ANK2: variants seen among roughly 807,000 people sequenced by gnomAD.
ANK2 encodes the protein ankyrin 2, also known as ankyrin-2.
Under a neutral mutation model 360.5 loss-of-function variants are expected in ANK2, and 83 were observed. The ratio of observed to expected loss-of-function variants is 0.23; its 90% CI spans 0.19 to 0.28. The LOEUF (loss-of-function observed/expected upper bound fraction) is 0.28, where lower values mean the gene tolerates loss of function less well. Ranked by LOEUF, ANK2 falls within the 10% of genes least tolerant of loss-of-function variation. The pLI, the probability that ANK2 is intolerant of heterozygous loss-of-function variation, is 1.00. For synonymous variants in ANK2, 1,740 were observed against 1,759.5 expected (o/e 0.99, Z 0.28); for missense variants, 4,201 against 4,795.7 (o/e 0.88, Z 3.66).
At chr4:112,935,662 C>T (rs2093662165) in intron 2 of ANK2, among the ~76,000 whole-genome samples, 1 of 151,902 alleles carries the variant, frequency 6.6e-6, no homozygotes, top group African/African-American at 2.4e-5. Flanking sequence ...GGCAACATGG[C>T]AAAACCCCGT....
chr4:113,054,476 A>G (rs2154328620), intron 1 of ANK2, among the ~76,000 whole-genome samples: 1 of 152,348 alleles, frequency 6.6e-6, no homozygotes, highest in Non-Finnish European at 1.5e-5. Context: ...TATAGCAGCC[A>G]AAGAAACTAT....
chr4:113,223,083 T>A (rs1447269296), intron 4 of ANK2, among the ~76,000 whole-genome samples: 1 of 152,200 alleles, frequency 6.6e-6, no homozygotes, highest in Non-Finnish European at 1.5e-5. Context: ...CTTCACAATA[T>A]ATTTAGGGAA....
At chr4:112,781,845 T>C in the ANK2 span, among the ~76,000 whole-genome samples, 1 of 150,312 alleles carries the variant, frequency 6.7e-6, no homozygotes, top group Non-Finnish European at 1.5e-5. Flanking sequence ...TTTTTTTTTT[T>C]TTGAGACAGA....
At chr4:113,278,182 C>A (rs1244759316) in intron 16 of ANK2, among the ~76,000 whole-genome samples, 3 of 152,170 alleles carry the variant, frequency 2.0e-5, no homozygotes, top group Non-Finnish European at 2.9e-5. Flanking sequence ...TAAGAAGAAT[C>A]CCTGCAATGT....
chr4:112,850,502 G>GT (rs1211226104), intron 1 of ANK2, among the ~76,000 whole-genome samples: 4 of 16,432 alleles, frequency 2.4e-4, no homozygotes, highest in South Asian at 1.9e-3. Context: ...TCCTGTGCTA[G>GT]TCTTTTTTTT....
At chr4:113,340,530 C>CA (rs34881939) in intron 32 of ANK2, among the ~76,000 whole-genome samples, 1 of 151,904 alleles carries the variant, frequency 6.6e-6, no homozygotes, top group Non-Finnish European at 1.5e-5. Flanking sequence ...CTGTCTCTCA[C>CA]AAAAAAGATA....
the ANK2 span, among the ~76,000 whole-genome samples, chr4:112,731,311 A>G: frequency 1.3e-5 from 2 of 151,840 alleles, no homozygotes; most frequent in African/African-American, 4.8e-5. Context: ...AAAAAAAAAA[A>G]AAGATAAATA....
At position 113,373,412 on chromosome 4, in the gene ANK2, A is replaced by T. The variant is rs2154075062; in HGVS notation, c.11822A>T (p.Lys3941Met). ...GGGGATGGCTATTCCAAAGTTATAA[A>T]GCGTGTTGTATTGAAGAGTGACACC... ...EEGDGYSKVIKRVVLKSDTEQ... is the reference protein window; with the variant it reads ...EEGDGYSKVIMRVVLKSDTEQ... Residue 3941 changes from lysine (K) to methionine (M), a missense_variant, in exon 45 of 46, where the codon AAG (lysine) becomes ATG (methionine). This residue lies in a region of ANK2 where 2,642 missense variants were observed against 2,714.5 expected (regional missense o/e 0.97). Coordinates refer to ENST00000357077, the MANE Select transcript of ANK2 (RefSeq NM_001148.6). 6.2e-7 allele frequency: 1 copy of T among 1,614,198 alleles called. No homozygotes were observed.
At chr4:112,780,513 G>C in the ANK2 span, among the ~76,000 whole-genome samples, 1 of 152,240 alleles carries the variant, frequency 6.6e-6, no homozygotes, top group Admixed American at 6.5e-5. Flanking sequence ...AGGTAACTCT[G>C]TATAGTATAA....
At chr4:113,254,622 TATGA>T (rs1244259920) in intron 10 of ANK2, among the ~76,000 whole-genome samples, 2 of 152,222 alleles carry the variant, frequency 1.3e-5, no homozygotes, top group Non-Finnish European at 2.9e-5. Context: ...AAGTAATAAT[TATGA>T]ATGAAGATTA....
intron 1 of ANK2, among the ~76,000 whole-genome samples, chr4:113,158,254 T>G (rs2097373879): frequency 6.6e-6 from 1 of 152,204 alleles, no homozygotes; most frequent in South Asian, 2.1e-4. Context: ...AAGAATTGCC[T>G]TGCTTGCTCA....
rs754680934 is a variant in ANK2 at position 112,890,556 on chromosome 4, G to GTTTTTTTTT, written c.-39-13879_-39-13871dup. Among the ~76,000 whole-genome samples the GTTTTTTTTT allele has an allele frequency of 9.9e-4, 67 of 67,468 alleles. 10 individuals are homozygous for GTTTTTTTTT. Among genetic ancestry groups the GTTTTTTTTT allele is most frequent in the African/African-American group, 1.5e-3 (21 of 13,950 alleles). 44.3% of individuals were successfully genotyped at this position (67,468 alleles called of 152,430 possible). ...GGAATTTATGATATACATTTCTGTGGTTTTTTTTTTTTTTTTTTTTTTTTT... is the reference window on the plus strand; with the variant it reads ...GGAATTTATGATATACATTTCTGTGGTTTTTTTTTTTTTTTTTTTTTTTTTTTTTTTTTT... On this transcript the variant is annotated intron_variant, in intron 1 of 30. Coordinates refer to the ANK2 transcript ENST00000503271.
At chr4:112,767,812 A>G in the ANK2 span, among the ~76,000 whole-genome samples, 5 of 152,276 alleles carry the variant, frequency 3.3e-5, no homozygotes, top group East Asian at 7.7e-4. Flanking sequence ...TTTTTAACTT[A>G]AAAAGGACTT....
At chr4:113,131,749 C>T (rs2096051184) in intron 1 of ANK2, among the ~76,000 whole-genome samples, 1 of 152,180 alleles carries the variant, frequency 6.6e-6, no homozygotes, top group African/African-American at 2.4e-5. Flanking sequence ...GAGTTTAAAG[C>T]CCCCTAACAT....
At chr4:113,351,484 G>A (rs2095411043) in intron 37 of ANK2, among the ~76,000 whole-genome samples, 1 of 152,094 alleles carries the variant, frequency 6.6e-6, no homozygotes, top group Admixed American at 6.6e-5. Flanking sequence ...ATTTATATGT[G>A]TAAATTCACA....
At chr4:112,783,628 A>ATTAT in the ANK2 span, among the ~76,000 whole-genome samples, 60,306 of 140,952 alleles carry the variant, frequency 0.43, 13,441 homozygotes, top group African/African-American at 0.53. Flanking sequence ...ATGTTGATAT[A>ATTAT]TTATTTATTT....
In ANK2 at chr4:113,354,532, C is replaced by A. The variant is rs761867742; in HGVS notation, c.5914C>A (p.Gln1972Lys). Residue 1972 changes from glutamine (Q) to lysine (K), a missense_variant, in exon 38 of 46, where the codon CAA (glutamine) becomes AAA (lysine). Physicochemically the swap from Gln to Lys is moderately conservative, Grantham distance 53. Around this residue, in one of 4 missense-constraint regions of ANK2, gnomAD observed 2,642 missense variants for 2,714.5 expected, o/e 0.97. Coordinates refer to ENST00000357077, the MANE Select transcript of ANK2 (RefSeq NM_001148.6). ...PVSPSGKTEKQPPVSPTSKTE... is the reference protein window; with the variant it reads ...PVSPSGKTEKKPPVSPTSKTE... ...GTCACCTTCTGGCAAAACAGAAAAG[C>A]AACCACCTGTATCCCCCACTTCAAA... 2 of 1,614,136 alleles carry A rather than the reference C, an allele frequency of 1.2e-6. No individual in the cohort carries two copies. The highest frequency in any genetic ancestry group is 3.3e-5 in the Admixed American group (2 of 60,020).
chr4:112,767,895 T>A, the ANK2 span, among the ~76,000 whole-genome samples: 46 of 152,128 alleles, frequency 3.0e-4, no homozygotes, highest in African/African-American at 1.1e-3. Context: ...CCTTTTCCCA[T>A]CTCTCTCATC....
chr4:113,310,695 G>A (rs989182877), intron 23 of ANK2, among the ~76,000 whole-genome samples: 2 of 152,230 alleles, frequency 1.3e-5, no homozygotes, highest in East Asian at 1.9e-4. Context: ...GGGATTACAG[G>A]CATGAGCCAC....
Sources: gnomAD v4.1 joint callset for allele counts (sites outside exome capture counted in the v4.1 genomes callset) on GRCh38, gnomAD v4.1.1 for gene constraint, gnomAD v4.1.1 regional missense constraint, MANE v1.5 for transcripts, NCBI Gene and HGNC (gene_info 2026-07-23, HGNC 2026-07-21) for gene names.